Variants in JAKMIP2 observed in about 807,000 individuals in gnomAD.
The protein encoded by JAKMIP2 is janus kinase and microtubule interacting protein 2.
A neutral mutation model predicts 115.0 loss-of-function variants in JAKMIP2; 25 were observed. The observed-to-expected ratio is 0.22, with a 90% CI of 0.16 to 0.30. The LOEUF is 0.30. JAKMIP2 is among the 10% of genes least tolerant of loss of function. The pLI, the probability that JAKMIP2 is intolerant of heterozygous loss-of-function variation, is 1.00. For missense variants in JAKMIP2, 642 were observed against 957.6 expected, an observed-to-expected ratio of 0.67 and a Z score of 4.35; for synonymous variants, 334 against 343.6, an observed-to-expected ratio of 0.97 and a Z score of 0.31.
chr5:147,590,169 G>A lies in JAKMIP2; in HGVS notation c.*1538C>T, dbSNP rs933821108. ...CCAGTGCTAAAACTGAAGGATGATA[G>A]TGAACCCACATATGGAAAGATTTGT... On this transcript the variant is annotated 3_prime_UTR_variant, in exon 22 of 22. Transcript: ENST00000616793. 3 of 152,180 alleles carry A rather than the reference G, an allele frequency of 2.0e-5. No homozygotes were observed. The highest frequency in any genetic ancestry group is 4.8e-5 in the African/African-American group (2 of 41,434). 9.4% of individuals were successfully genotyped at this position (152,180 alleles called of 1,614,324 possible).
intron 16 of JAKMIP2, among the ~76,000 whole-genome samples, chr5:147,626,874 C>G (rs544234669): frequency 1.1e-4 from 16 of 152,120 alleles, no homozygotes; most frequent in Non-Finnish European, 1.9e-4. Flanking sequence ...AGAATTGCAG[C>G]CCTTCATGAT....
chr5:147,634,977 T>C (rs952043535), intron 12 of JAKMIP2, among the ~76,000 whole-genome samples: 2 of 152,234 alleles, frequency 1.3e-5, no homozygotes, highest in African/African-American at 4.8e-5. Flanking sequence ...CAATTGGGCT[T>C]TCAAATTCTG....
intron 6 of JAKMIP2, among the ~76,000 whole-genome samples, 182 bp from the exon 7 acceptor site, chr5:147,644,380 C>T (rs1358932869): frequency 6.6e-6 from 1 of 152,196 alleles, no homozygotes; most frequent in Non-Finnish European, 1.5e-5. Flanking sequence ...AAGTCATTAT[C>T]ATTGGGGATT....
chr5:147,782,440 A>G lies in JAKMIP2; in HGVS notation c.-149+16T>C, dbSNP rs147948299. The G allele has an allele frequency of 2.1e-4, 318 of 1,535,798 alleles. 2 individuals are homozygous for G. The East Asian group carries it at 6.6e-3, about 32-fold the overall frequency. On this transcript the variant is annotated intron_variant, in intron 1 of 21. Transcript: ENST00000616793. ...CACTCTAAACCAAGAAGGGAGCCCT[A>G]CTGTTTCCTACTCACCATGCTGAGA...
At position 147,601,811 on chromosome 5, in the gene JAKMIP2, A is replaced by C. The variant is rs1171163970; in HGVS notation, c.2413T>G (p.Phe805Val). ...KRQIKDLEEK[F>V]LFLFLFFSLA... ...GAGAAGAACAAGAATAGAAACAGAAACTGCAGAAGAAAAAGAAGAAGATTA... is the reference window on the plus strand; with the variant it reads ...GAGAAGAACAAGAATAGAAACAGAACCTGCAGAAGAAAAAGAAGAAGATTA... Residue 805 changes from phenylalanine to valine, a missense_variant and splice_region_variant, in exon 21 of 22, where the codon TTT becomes GTT. Coordinates refer to ENST00000616793, the MANE Select transcript of JAKMIP2 (RefSeq NM_001270941.2). 2.4e-6 allele frequency: 3 copies of C among 1,271,194 alleles called. No homozygotes were observed. In the South Asian group the frequency reaches 4.0e-5, roughly 17 times the overall value. 78.7% of individuals were successfully genotyped at this position (1,271,194 alleles called of 1,614,324 possible).
At chr5:147,604,060 A>C (rs1755863210) in intron 20 of JAKMIP2, among the ~76,000 whole-genome samples, 1 of 152,150 alleles carries the variant, frequency 6.6e-6, no homozygotes, top group African/African-American at 2.4e-5. Flanking sequence ...GAGAGCTAAG[A>C]GCTGGCCATT....
chr5:147,605,846 T>C (rs946153689), intron 20 of JAKMIP2, among the ~76,000 whole-genome samples: 3 of 152,208 alleles, frequency 2.0e-5, no homozygotes, highest in Non-Finnish European at 2.9e-5. Flanking sequence ...CCAGCATCTA[T>C]TGTTTCCTGA....
chr5:147,624,730 G>A (rs1426176841), intron 16 of JAKMIP2, among the ~76,000 whole-genome samples: 1 of 152,076 alleles, frequency 6.6e-6, no homozygotes, highest in African/African-American at 2.4e-5. Context: ...TTATATTTTA[G>A]GGAAGCAATT....
chr5:147,737,489 T>TC (rs1225649607), intron 1 of JAKMIP2, among the ~76,000 whole-genome samples: 3 of 152,190 alleles, frequency 2.0e-5, no homozygotes, highest in African/African-American at 7.2e-5. Flanking sequence ...CCCAAAACTC[T>TC]CCTACTTTTG....
chr5:147,726,878 C>G (rs923459806), intron 1 of JAKMIP2, among the ~76,000 whole-genome samples: 1 of 152,120 alleles, frequency 6.6e-6, no homozygotes. Context: ...TGTAGTTAGC[C>G]CCAAAAATTA....
intron 3 of JAKMIP2, among the ~76,000 whole-genome samples, chr5:147,654,225 A>C (rs1758553353): frequency 7.4e-6 from 1 of 134,780 alleles, no homozygotes; most frequent in Admixed American, 7.3e-5. Flanking sequence ...AATTTAAAGT[A>C]GTTTTTTTTT....
chr5:147,681,408 A>C (rs759092379), intron 1 of JAKMIP2, among the ~76,000 whole-genome samples: 1 of 152,036 alleles, frequency 6.6e-6, no homozygotes, highest in Non-Finnish European at 1.5e-5. Context: ...CATCCTACTC[A>C]TCTTTTAGGG....
At position 147,777,429 on chromosome 5, in the gene JAKMIP2, A is replaced by G. The variant is rs892223962; in HGVS notation, c.-149+5027T>C. On this transcript the variant is annotated intron_variant, in intron 1 of 21. Coordinates refer to ENST00000616793, the MANE Select transcript of JAKMIP2 (RefSeq NM_001270941.2). ...CATAAAGCAGAAGCAATATAAAACAATGCATACAGTATGGTCCATGTATGA... is the reference window on the plus strand; with the variant it reads ...CATAAAGCAGAAGCAATATAAAACAGTGCATACAGTATGGTCCATGTATGA... 1.1e-4 allele frequency among the ~76,000 whole-genome samples: 17 copies of G among 152,320 alleles called. No homozygotes were observed. In the South Asian group the frequency reaches 1.7e-3, roughly 15 times the overall value.
At chr5:147,766,732 T>A (rs1167392456) in intron 1 of JAKMIP2, among the ~76,000 whole-genome samples, 1 of 152,164 alleles carries the variant, frequency 6.6e-6, no homozygotes. Context: ...TTTTTCCTTC[T>A]AAGGAGAGCT....
Position 147,640,818 on chromosome 5 carries a change from A to C in JAKMIP2, c.1287T>G (p.Pro429=), listed in dbSNP as rs369506914. Residue 429 remains proline (P), a synonymous_variant, in exon 9 of 22, where the codon CCT becomes CCG. Transcript: ENST00000616793. ...CATAGCCAATAAACGGGTCCAAAAC[A>C]GGCCTCTAAATGGAGGGAAAGTACC... ...HRRSSKPIKR[P]VLDPFIGYDE... 2.8e-4 allele frequency: 452 copies of C among 1,612,392 alleles called. No homozygotes were observed. The highest frequency in any genetic ancestry group is 3.7e-4 in the Non-Finnish European group (435 of 1,179,494).
At position 147,724,993 on chromosome 5, in the gene JAKMIP2, A is replaced by C. The variant is rs568317791; in HGVS notation, c.-148-53039T>G. On this transcript the variant is annotated intron_variant, in intron 1 of 21. Coordinates refer to ENST00000616793, the MANE Select transcript of JAKMIP2 (RefSeq NM_001270941.2). ...GAAATAGGAGGTCAGCACAAGATAC[A>C]GGTCACAAAGACCTTGCTGATAAAA... 1.0e-3 allele frequency among the ~76,000 whole-genome samples: 152 copies of C among 152,284 alleles called. 1 individual carries two copies. The highest frequency in any genetic ancestry group is 3.6e-3 in the African/African-American group (148 of 41,560).
rs765329503 is a variant in JAKMIP2, at chr5:147,588,309, G to A, written c.*3398C>T. The stretch of plus-strand genomic sequence containing the variant: ...TGAGAAAAATTAAGTTAATGAACCC[G>A]GAAGAATGCTGTTCTGACTGCTACA... On this transcript the variant is annotated 3_prime_UTR_variant, in exon 22 of 22. Transcript: ENST00000616793. 1 of 151,816 alleles carries A rather than the reference G, an allele frequency of 6.6e-6. No individual in the cohort carries two copies. Among genetic ancestry groups the A allele is most frequent in the Admixed American group, 6.6e-5 (1 of 15,226 alleles). The allele number at this position is 151,816 out of a possible 1,614,324, so 9.4% of individuals were successfully genotyped here.
intron 19 of JAKMIP2, among the ~76,000 whole-genome samples, chr5:147,614,981 T>A (rs1327525286): frequency 6.6e-6 from 1 of 152,178 alleles, no homozygotes; most frequent in East Asian, 1.9e-4. Flanking sequence ...CAACCTAAAG[T>A]GGCCAATCCT....
At chr5:147,764,963 AGAGGGGGAGAGAGAGAGAGAGAGAGAGG>A in intron 1 of JAKMIP2, among the ~76,000 whole-genome samples, 1 of 74,650 alleles carries the variant, frequency 1.3e-5, no homozygotes, top group African/African-American at 6.8e-5. Flanking sequence ...AGAGAGAGAG[AGAGGGGGAGAGAGAGAGAGAGAGAGAGG>A]GAGAGAGAGA....
Sources: allele counts gnomAD v4.1 joint callset (sites outside exome capture counted in the v4.1 genomes callset), GRCh38; gene constraint gnomAD v4.1.1; transcripts MANE v1.5; gene names NCBI Gene and HGNC (gene_info 2026-07-23, HGNC 2026-07-21).